The following ST6GALNAC6 variants were observed in gnomAD, a reference collection of about 807,000 sequenced individuals.
ST6GALNAC6 encodes the protein ST6 N-acetylgalactosaminide alpha-2,6-sialyltransferase 6.
A neutral mutation model predicts 34.3 loss-of-function variants in ST6GALNAC6; 19 were observed. The observed-to-expected ratio is 0.55, with a 90% CI of 0.39 to 0.81. ST6GALNAC6 has a LOEUF of 0.81. ST6GALNAC6 is among the 40% of genes least tolerant of loss of function. ST6GALNAC6 has a pLI of 0.00. For synonymous variants in ST6GALNAC6, 185 were observed against 182.1 expected, an observed-to-expected ratio of 1.02 and a Z score of -0.13; for missense variants, 377 against 467.7, an observed-to-expected ratio of 0.81 and a Z score of 1.79.
chr9:127,900,991 CAAAAAAAA>C (rs56673204), upstream of ST6GALNAC6, among the ~76,000 whole-genome samples: 48 of 61,010 alleles, frequency 7.9e-4, no homozygotes, highest in African/African-American at 3.2e-3. Context: ...AACTCCCTAT[CAAAAAAAA>C]AAAAAAAAAA....
At chr9:127,905,488 G>A, upstream of ST6GALNAC6, 1 of 968,532 alleles carries the variant, frequency 1.0e-6, no homozygotes, top group Non-Finnish European at 1.2e-6. Context: ...TTTCCCAGGG[G>A]ATAGAGAAGG....
chr9:127,905,384 C>A, upstream of ST6GALNAC6: 1 of 985,608 alleles, frequency 1.0e-6, no homozygotes, highest in Non-Finnish European at 1.2e-6. Context: ...GAAAGACACA[C>A]CATTTGGGCC....
intron 4 of ST6GALNAC6, among the ~76,000 whole-genome samples, chr9:127,892,222 T>C (rs1830188673): frequency 6.6e-6 from 1 of 152,230 alleles, no homozygotes; most frequent in Admixed American, 6.5e-5. Context: ...ATCCTGTTTC[T>C]GACCTCACAG....
At chr9:127,900,560 CA>C (rs71380101), upstream of ST6GALNAC6, among the ~76,000 whole-genome samples, 1,069 of 44,082 alleles carry the variant, frequency 0.024, no homozygotes, top group Middle Eastern at 0.083. Flanking sequence ...AACTCCGTCT[CA>C]AAAAAAAAAA....
chr9:127,887,548 C>T lies in ST6GALNAC6; in HGVS notation c.748G>A (p.Val250Met). 6.2e-7 allele frequency: 1 copy of T among 1,612,872 alleles called. No individual in the cohort carries two copies. Among genetic ancestry groups the T allele is most frequent in the East Asian group, 2.2e-5 (1 of 44,876 alleles). Reference sequence around the variant, plus strand: ...TGGTCACACAACTCCACCGCGATCACCATGGTAAACCAGCCTGTGCTCAAC... The same window carrying T: ...TGGTCACACAACTCCACCGCGATCATCATGGTAAACCAGCCTGTGCTCAAC... ...SWLSTGWFTMVIAVELCDHVH... is the reference protein window; with the variant it reads ...SWLSTGWFTMMIAVELCDHVH... Residue 250 changes from valine to methionine, a missense_variant, in exon 6 of 7, where the codon GTG becomes ATG. By Grantham distance (21) the Val-to-Met change is conservative. Coordinates refer to ENST00000373146, the MANE Select transcript of ST6GALNAC6 (RefSeq NM_013443.5).
At chr9:127,896,133 G>T in intron 3 of ST6GALNAC6, 109 bp downstream of exon 3, 2 of 1,289,084 alleles carry the variant, frequency 1.6e-6, no homozygotes, top group Non-Finnish European at 2.2e-6. Context: ...AGCTTCTTGC[G>T]GGGAAGAAGA....
chr9:127,902,460 AGTGTTTAGT>A (rs1382850953), upstream of ST6GALNAC6, among the ~76,000 whole-genome samples: 1 of 151,790 alleles, frequency 6.6e-6, no homozygotes, highest in Non-Finnish European at 1.5e-5. Context: ...GTGCCTGGCC[AGTGTTTAGT>A]GTTAATAGTG....
chr9:127,895,958 C>A (rs539697369), intron 3 of ST6GALNAC6, among the ~76,000 whole-genome samples: 1 of 152,320 alleles, frequency 6.6e-6, no homozygotes, highest in Admixed American at 6.5e-5. Flanking sequence ...TCCTGCACAG[C>A]ACTCCACAGT....
rs1829713647 is a variant in ST6GALNAC6 at position 127,885,650 on chromosome 9, G to A, written c.*949C>T. On this transcript the variant is annotated 3_prime_UTR_variant, in exon 7 of 7. Transcript: ENST00000373146. ...GAAGCCCCCAGTGACTCCAGACAAAGGGGCAGCCCCAAAGGCGCCTCCAAC... is the reference window on the plus strand; with the variant it reads ...GAAGCCCCCAGTGACTCCAGACAAAAGGGCAGCCCCAAAGGCGCCTCCAAC... 6.6e-6 allele frequency: 1 copy of A among 152,262 alleles called. No individual in the cohort carries two copies. Among genetic ancestry groups the A allele is most frequent in the South Asian group, 2.1e-4 (1 of 4,834 alleles). The allele number at this position is 152,262 out of a possible 1,614,324, so 9.4% of individuals were successfully genotyped here.
intron 1 of ST6GALNAC6, 44 bp from the exon 2 acceptor site, chr9:127,898,054 T>C: frequency 1.0e-6 from 1 of 1,003,178 alleles, no homozygotes; most frequent in Non-Finnish European, 1.5e-6. Context: ...AAGGGGTTGT[T>C]GGAAGGATTC....
Position 127,886,361 on chromosome 9 carries a change from G to T in ST6GALNAC6, c.*238C>A, listed in dbSNP as rs1040717654. ...CCCCCTCTACCCTGATTGACTGTGCGCAGACCCTGACTGCACAAGAAAGAC... is the reference window on the plus strand; with the variant it reads ...CCCCCTCTACCCTGATTGACTGTGCTCAGACCCTGACTGCACAAGAAAGAC... On this transcript the variant is annotated 3_prime_UTR_variant, in exon 7 of 7. Coordinates refer to ENST00000373146, the MANE Select transcript of ST6GALNAC6 (RefSeq NM_013443.5). 1 of 1,252,374 alleles carries T rather than the reference G, an allele frequency of 8.0e-7. No homozygotes were observed. The highest frequency in any genetic ancestry group is 1.1e-6 in the Non-Finnish European group (1 of 934,010). The allele number at this position is 1,252,374 out of a possible 1,614,324, so 77.6% of individuals were successfully genotyped here. A position where few individuals can be genotyped will look rare whatever the true frequency, so the allele number is the denominator to read the frequency against.
rs1035985684 is a variant in ST6GALNAC6, at chr9:127,898,003, T to C, written c.-22A>G. On this transcript the variant is annotated 5_prime_UTR_variant, in exon 2 of 7. Transcript: ENST00000373146. Reference sequence around the variant, plus strand: ...CCATGTGACCTCTCTGAGCCTCAGTTTCCTCATCTGTGAAATGGGAACAAT... The same window carrying C: ...CCATGTGACCTCTCTGAGCCTCAGTCTCCTCATCTGTGAAATGGGAACAAT... 1 of 1,426,604 alleles carries C rather than the reference T, an allele frequency of 7.0e-7. No individual in the cohort carries two copies. The highest frequency in any genetic ancestry group is 1.4e-5 in the African/African-American group (1 of 70,958). 88.4% of individuals were successfully genotyped at this position (1,426,604 alleles called of 1,614,324 possible). A position where few individuals can be genotyped will look rare whatever the true frequency, so the allele number is the denominator to read the frequency against.
chr9:127,905,185 G>A (rs1223870013), intron 1 of ST6GALNAC6: 12 of 980,448 alleles, frequency 1.2e-5, no homozygotes, highest in Non-Finnish European at 1.2e-5. Flanking sequence ...GGGCTGTGGG[G>A]AGGCTCCTGC....
At chr9:127,900,132 T>C (rs978531164), upstream of ST6GALNAC6, among the ~76,000 whole-genome samples, 16 of 152,372 alleles carry the variant, frequency 1.1e-4, no homozygotes, top group Middle Eastern at 3.4e-3. Flanking sequence ...CTTAAGATGT[T>C]CCTTCTTGTA....
upstream of ST6GALNAC6, chr9:127,906,164 G>A (rs533760624): frequency 2.7e-5 from 8 of 297,828 alleles, no homozygotes; most frequent in South Asian, 7.7e-4. Context: ...AGAGTATGCC[G>A]GGTCACCCAG....
intron 6 of ST6GALNAC6, 61 bp downstream of exon 6, chr9:127,887,423 C>T: frequency 7.0e-7 from 1 of 1,428,078 alleles, no homozygotes; most frequent in South Asian, 1.2e-5. Flanking sequence ...GCCCCTAGAG[C>T]TCCATCCTGC....
upstream of ST6GALNAC6, among the ~76,000 whole-genome samples, chr9:127,901,170 T>C (rs375720572): frequency 5.3e-5 from 8 of 152,242 alleles, 1 homozygote; most frequent in East Asian, 9.6e-4. Context: ...AATGGAATTG[T>C]TTTATACAAT....
chr9:127,887,472 A>G lies in ST6GALNAC6; in HGVS notation c.812+12T>C. 2 of 1,606,424 alleles carry G rather than the reference A, an allele frequency of 1.2e-6. No homozygotes were observed. Among genetic ancestry groups the G allele is most frequent in the Middle Eastern group, 3.3e-4 (2 of 6,050 alleles). On this transcript the variant is annotated intron_variant, in intron 6 of 6. Coordinates refer to ENST00000373146, the MANE Select transcript of ST6GALNAC6 (RefSeq NM_013443.5). ...GTGTTGTCCTGGGAGGGCGCTGGCAAGGAGGGCTCACCTGCAGTAGTTGGG... is the reference window on the plus strand; with the variant it reads ...GTGTTGTCCTGGGAGGGCGCTGGCAGGGAGGGCTCACCTGCAGTAGTTGGG...
chr9:127,901,421 C>G (rs1830755467), upstream of ST6GALNAC6, among the ~76,000 whole-genome samples: 3 of 151,740 alleles, frequency 2.0e-5, no homozygotes, highest in South Asian at 6.2e-4. Flanking sequence ...GAAACCCCGT[C>G]TCTACTAAAA....
Sources: allele counts gnomAD v4.1 joint callset (sites outside exome capture counted in the v4.1 genomes callset), GRCh38; gene constraint gnomAD v4.1.1; transcripts MANE v1.5; gene names NCBI Gene and HGNC (gene_info 2026-07-23, HGNC 2026-07-21).